NKAIN2: variants seen among roughly 807,000 people sequenced by gnomAD.
NKAIN2 encodes sodium/potassium transporting ATPase interacting 2.
A neutral mutation model predicts 32.6 loss-of-function variants in NKAIN2; 14 were observed. That is an observed-to-expected ratio of 0.43 (90% CI 0.28 to 0.67). NKAIN2 has a LOEUF of 0.67. Ranked by LOEUF, NKAIN2 falls within the 30% of genes least tolerant of loss-of-function variation. The probability of loss-of-function intolerance (pLI) is 0.17; values close to 1 mark genes in which losing one functional copy is unlikely to be tolerated. For missense variants in NKAIN2, 198 were observed against 258.3 expected (o/e 0.77, Z 1.60); for synonymous variants, 80 against 87.2 (o/e 0.92, Z 0.46).
At chr6:124,046,169 T>C (rs1207204445) in intron 1 of NKAIN2, among the ~76,000 whole-genome samples, 1 of 152,016 alleles carries the variant, frequency 6.6e-6, no homozygotes, top group East Asian at 1.9e-4. Flanking sequence ...AGTGAAGTTA[T>C]TATCTTAAAA....
intron 1 of NKAIN2, among the ~76,000 whole-genome samples, chr6:123,999,402 T>A (rs1210385144): frequency 6.6e-5 from 10 of 152,114 alleles, no homozygotes; most frequent in Non-Finnish European, 1.3e-4. Context: ...TTAGAGGAAA[T>A]CCACAGAGCT....
At chr6:124,664,921 C>CAAGA (rs1772716302) in intron 4 of NKAIN2, among the ~76,000 whole-genome samples, 1 of 146,988 alleles carries the variant, frequency 6.8e-6, no homozygotes, top group African/African-American at 2.5e-5. Flanking sequence ...AGAATGTATA[C>CAAGA]GTGTATCTTT....
intron 1 of NKAIN2, among the ~76,000 whole-genome samples, chr6:124,044,482 G>A (rs1310001516): frequency 2.0e-5 from 3 of 152,026 alleles, no homozygotes; most frequent in African/African-American, 7.2e-5. Flanking sequence ...TACTACTACT[G>A]AGATATGGAC....
chr6:123,866,780 T>C (rs1772542255), intron 1 of NKAIN2, among the ~76,000 whole-genome samples: 4 of 152,182 alleles, frequency 2.6e-5, no homozygotes, highest in African/African-American at 7.2e-5. Context: ...GACCATGTAA[T>C]CCTCCTGTTA....
At chr6:124,589,880 A>G (rs1027405527) in intron 3 of NKAIN2, among the ~76,000 whole-genome samples, 1 of 142,154 alleles carries the variant, frequency 7.0e-6, no homozygotes, top group East Asian at 2.1e-4. Context: ...TCCTGTGTCC[A>G]TGTGTTCTCA....
intron 3 of NKAIN2, among the ~76,000 whole-genome samples, chr6:124,440,397 T>G (rs1775638705): frequency 6.6e-6 from 1 of 152,086 alleles, no homozygotes. Context: ...AACTTATACT[T>G]TCACCATTAG....
At chr6:124,708,933 G>A (rs1363113219) in intron 4 of NKAIN2, among the ~76,000 whole-genome samples, 2 of 148,294 alleles carry the variant, frequency 1.3e-5, no homozygotes, top group African/African-American at 5.1e-5. Flanking sequence ...CAAAGGGAAT[G>A]CTTCCAGTTT....
rs1426354119 is a variant in NKAIN2 at position 124,343,280 on chromosome 6, G to A, written c.193-11987G>A. Among the ~76,000 whole-genome samples, 33 of 151,954 alleles carry A rather than the reference G, an allele frequency of 2.2e-4. No individual in the cohort carries two copies. The East Asian group carries it at 4.5e-3, about 21-fold the overall frequency. On this transcript the variant is annotated intron_variant, in intron 2 of 6. Transcript: ENST00000368417. ...AGTCTTTGCTATTGTGAATAGTGCC[G>A]AAATAAACATACGTGTGCATGTGTC...
chr6:124,689,547 T>C (rs1774159858), intron 4 of NKAIN2, among the ~76,000 whole-genome samples: 4 of 152,126 alleles, frequency 2.6e-5, no homozygotes, highest in Admixed American at 2.6e-4. Flanking sequence ...ACCAATGTCA[T>C]CTAGATTTTC....
intron 2 of NKAIN2, among the ~76,000 whole-genome samples, chr6:124,349,301 C>G (rs1798603626): frequency 1.3e-5 from 2 of 152,088 alleles, no homozygotes; most frequent in Admixed American, 1.3e-4. Context: ...CTCCCCCCTA[C>G]AAAGGCGGGA....
chr6:124,807,271 G>T (rs1211233645), intron 5 of NKAIN2, among the ~76,000 whole-genome samples: 1 of 152,134 alleles, frequency 6.6e-6, no homozygotes, highest in African/African-American at 2.4e-5. Flanking sequence ...TAAAAGAACA[G>T]AAATTATAAC....
chr6:124,149,805 G>C (rs1787608896), intron 1 of NKAIN2, among the ~76,000 whole-genome samples: 1 of 152,092 alleles, frequency 6.6e-6, no homozygotes, highest in South Asian at 2.1e-4. Context: ...TCAGACACAG[G>C]TATGCAGTGT....
intron 1 of NKAIN2, among the ~76,000 whole-genome samples, chr6:123,960,548 A>C (rs2114610537): frequency 6.6e-6 from 1 of 152,024 alleles, no homozygotes; most frequent in Middle Eastern, 3.4e-3. Context: ...TCTTGAAGGA[A>C]AGTCTTCACA....
rs144387042 is a variant in NKAIN2, at chr6:124,217,786, T to TACAC, written c.55-65209_55-65206dup. ...GTAGATATATGTATATATATATATG[T>TACAC]ACACACACACACATATACACACACA... On this transcript the variant is annotated intron_variant, in intron 1 of 6. Transcript: ENST00000368417. 7.3e-5 allele frequency among the ~76,000 whole-genome samples: 11 copies of TACAC among 150,764 alleles called. No homozygotes were observed. In the East Asian group the frequency reaches 7.8e-4, roughly 11 times the overall value.
At position 124,358,692 on chromosome 6, in the gene NKAIN2, A is replaced by G. The variant is rs1300865286; in HGVS notation, c.273+3345A>G. Among the ~76,000 whole-genome samples, 896 of 150,764 alleles carry G rather than the reference A, an allele frequency of 5.9e-3. 9 individuals are homozygous for G. The highest frequency in any genetic ancestry group is 0.021 in the African/African-American group (854 of 40,154). On this transcript the variant is annotated intron_variant, in intron 3 of 6. Transcript: ENST00000368417. Reference sequence around the variant, plus strand: ...TATTGGCCCTTTGTCAGATGAGTAGATTGCACAAATTTTCTCCCATGTTGT... The same window carrying G: ...TATTGGCCCTTTGTCAGATGAGTAGGTTGCACAAATTTTCTCCCATGTTGT...
chr6:124,778,127 A>G (rs996289750), intron 4 of NKAIN2, among the ~76,000 whole-genome samples: 1 of 152,118 alleles, frequency 6.6e-6, no homozygotes, highest in Non-Finnish European at 1.5e-5. Flanking sequence ...TAAAGGCAAG[A>G]AAAAAATGCA....
intron 1 of NKAIN2, among the ~76,000 whole-genome samples, chr6:124,259,344 G>C (rs572040301): frequency 6.6e-6 from 1 of 152,284 alleles, no homozygotes; most frequent in East Asian, 1.9e-4. Flanking sequence ...CTCATTGTTT[G>C]GGTGTGGTGG....
chr6:124,330,786 C>CA (rs1797619140), intron 2 of NKAIN2, among the ~76,000 whole-genome samples: 1 of 152,122 alleles, frequency 6.6e-6, no homozygotes, highest in Non-Finnish European at 1.5e-5. Context: ...GAACGGCAGG[C>CA]AAGAGAACAT....
chr6:124,711,365 T>C (rs1306818059), intron 4 of NKAIN2, among the ~76,000 whole-genome samples: 1 of 102,980 alleles, frequency 9.7e-6, no homozygotes, highest in Non-Finnish European at 1.9e-5. Context: ...AACGTTGGCC[T>C]GCCTTGCTAG....
Sources: allele counts gnomAD v4.1 joint callset (sites outside exome capture counted in the v4.1 genomes callset), GRCh38; gene constraint gnomAD v4.1.1; transcripts MANE v1.5; gene names NCBI Gene and HGNC (gene_info 2026-07-23, HGNC 2026-07-21).